MGAT4C: variants seen among roughly 807,000 people sequenced by gnomAD.
MGAT4C encodes MGAT4 family member C, also known as alpha-1,3-mannosyl-glycoprotein 4-beta-N-acetylglucosaminyltransferase C.
A neutral mutation model predicts 40.1 loss-of-function variants in MGAT4C; 19 were observed. The observed-to-expected ratio is 0.47, with a 90% CI of 0.33 to 0.70. The LOEUF (loss-of-function observed/expected upper bound fraction) is 0.70. Ranked by LOEUF, MGAT4C falls within the 30% of genes least tolerant of loss-of-function variation. The probability of loss-of-function intolerance (pLI) is 0.02; values close to 1 mark genes in which losing one functional copy is unlikely to be tolerated. For missense variants in MGAT4C, 491 were observed against 563.2 expected (o/e 0.87, Z 1.30); for synonymous variants, 181 against 187.1 (o/e 0.97, Z 0.27).
intron 2 of MGAT4C, among the ~76,000 whole-genome samples, chr12:86,571,931 C>T (rs560726647): frequency 6.6e-6 from 1 of 152,250 alleles, no homozygotes; most frequent in African/African-American, 2.4e-5. Context: ...AAATAACTCA[C>T]TTCATGTTTT....
In MGAT4C at chr12:86,051,286, A is replaced by C. The variant is rs1041176399; in HGVS notation, c.-56-1563T>G. Among the ~76,000 whole-genome samples, 7 of 151,996 alleles carry C rather than the reference A, an allele frequency of 4.6e-5. 1 individual carries two copies. The highest frequency in any genetic ancestry group is 4.6e-4 in the Admixed American group (7 of 15,206). On this transcript the variant is annotated intron_variant, in intron 1 of 4. Coordinates refer to ENST00000611864, the MANE Select transcript of MGAT4C (RefSeq NM_001351288.2). The stretch of plus-strand genomic sequence containing the variant: ...TTAAATATAATTCAGGATACATTTT[A>C]ACAGGATCTGATTTTTTACAACTAG...
intron 2 of MGAT4C, among the ~76,000 whole-genome samples, chr12:86,572,943 CCAAT>C (rs1960425431): frequency 2.6e-5 from 4 of 152,110 alleles, no homozygotes; most frequent in African/African-American, 9.6e-5. Context: ...CTTAATTTAA[CCAAT>C]CAAAGCATGA....
At chr12:86,562,554 T>G (rs1336202484) in intron 2 of MGAT4C, among the ~76,000 whole-genome samples, 1 of 152,092 alleles carries the variant, frequency 6.6e-6, no homozygotes, top group Admixed American at 6.6e-5. Context: ...CCCTGATTTG[T>G]CTGGGGCAAA....
chr12:86,469,614 G>GT (rs199820427), intron 2 of MGAT4C, among the ~76,000 whole-genome samples: 69 of 151,370 alleles, frequency 4.6e-4, no homozygotes, highest in East Asian at 2.3e-3. Context: ...AGTAATTGCG[G>GT]TTTTTTTTTC....
chr12:86,752,178 T>G (rs1351865451), intron 1 of MGAT4C, among the ~76,000 whole-genome samples: 1 of 152,034 alleles, frequency 6.6e-6, no homozygotes, highest in Non-Finnish European at 1.5e-5. Context: ...TTCTGGCCTG[T>G]TGGACTTATA....
chr12:86,766,546 C>A (rs1386476616), intron 1 of MGAT4C, among the ~76,000 whole-genome samples: 1 of 151,792 alleles, frequency 6.6e-6, no homozygotes, highest in Non-Finnish European at 1.5e-5. Flanking sequence ...ACTCTCCACC[C>A]CAAATAAACA....
intron 4 of MGAT4C, among the ~76,000 whole-genome samples, chr12:86,297,127 A>G (rs1467005950): frequency 6.6e-6 from 1 of 152,240 alleles, no homozygotes; most frequent in African/African-American, 2.4e-5. Context: ...AATGAAGGAA[A>G]TAGAAAAGAT....
intron 1 of MGAT4C, among the ~76,000 whole-genome samples, chr12:86,245,891 G>C (rs1329093110): frequency 6.6e-6 from 1 of 151,918 alleles, no homozygotes. Flanking sequence ...AATCATCATA[G>C]AGCTACCAGA....
At chr12:86,494,127 C>T (rs1002954181) in intron 2 of MGAT4C, among the ~76,000 whole-genome samples, 1 of 152,008 alleles carries the variant, frequency 6.6e-6, no homozygotes, top group African/African-American at 2.4e-5. Context: ...CCTTTATGGT[C>T]ATTCACATCC....
intron 1 of MGAT4C, among the ~76,000 whole-genome samples, chr12:86,206,207 A>G (rs1415457511): frequency 1.3e-5 from 2 of 152,180 alleles, no homozygotes; most frequent in Admixed American, 6.5e-5. Context: ...TTATAATTAC[A>G]ACAATTTTTA....
intron 1 of MGAT4C, among the ~76,000 whole-genome samples, chr12:86,120,296 A>G (rs1381461333): frequency 6.6e-6 from 1 of 152,100 alleles, no homozygotes; most frequent in East Asian, 1.9e-4. Flanking sequence ...CTGCCTCTGT[A>G]GACTCCACCT....
rs562182513 is a variant in MGAT4C, at chr12:86,026,113, C to A, written c.-7+23561G>T. On this transcript the variant is annotated intron_variant, in intron 2 of 4. Transcript: ENST00000611864. Reference sequence around the variant, plus strand: ...GAAATTTTTAAAAATACTGTGGTAACAAAGTAAGTGTCCAAGTCCTATTCA... The same window carrying A: ...GAAATTTTTAAAAATACTGTGGTAAAAAAGTAAGTGTCCAAGTCCTATTCA... 1.4e-4 allele frequency among the ~76,000 whole-genome samples: 21 copies of A among 151,780 alleles called. No homozygotes were observed. In the East Asian group the frequency reaches 3.7e-3, roughly 27 times the overall value.
chr12:86,318,080 C>G (rs1055247004), intron 4 of MGAT4C, among the ~76,000 whole-genome samples: 1 of 151,802 alleles, frequency 6.6e-6, no homozygotes, highest in Non-Finnish European at 1.5e-5. Context: ...GAAAACCTCT[C>G]AGAGAAATCA....
intron 2 of MGAT4C, among the ~76,000 whole-genome samples, chr12:86,719,407 C>T (rs1215864137): frequency 6.6e-6 from 1 of 152,116 alleles, no homozygotes; most frequent in African/African-American, 2.4e-5. Context: ...TATCTGCCCA[C>T]CATATAGCTA....
chr12:86,794,934 T>A (rs1593214281), intron 1 of MGAT4C, among the ~76,000 whole-genome samples: 1 of 151,888 alleles, frequency 6.6e-6, no homozygotes, highest in East Asian at 1.9e-4. Flanking sequence ...ATGGAACCAC[T>A]GCACCCCATT....
At chr12:86,231,596 C>T (rs1416097427) in intron 1 of MGAT4C, among the ~76,000 whole-genome samples, 1 of 152,034 alleles carries the variant, frequency 6.6e-6, no homozygotes, top group East Asian at 1.9e-4. Context: ...ACCTCAGAAC[C>T]TATGTATTTG....
chr12:86,363,539 T>G (rs1198797469), intron 3 of MGAT4C, among the ~76,000 whole-genome samples: 1 of 151,812 alleles, frequency 6.6e-6, no homozygotes, highest in African/African-American at 2.4e-5. Flanking sequence ...AACTTAAGCT[T>G]TCACATTAAT....
At chr12:86,618,181 A>C (rs1962517846) in intron 2 of MGAT4C, among the ~76,000 whole-genome samples, 1 of 149,920 alleles carries the variant, frequency 6.7e-6, no homozygotes, top group Admixed American at 6.6e-5. Context: ...AAAAATAACT[A>C]ATGGTGGCAA....
chr12:86,002,942 AG>A (rs1887492541), intron 2 of MGAT4C, among the ~76,000 whole-genome samples: 1 of 152,004 alleles, frequency 6.6e-6, no homozygotes, highest in Non-Finnish European at 1.5e-5. Context: ...CTGGGACTAC[AG>A]GCGTCCGCAA....
Sources: gnomAD v4.1 joint callset for allele counts (sites outside exome capture counted in the v4.1 genomes callset) on GRCh38, gnomAD v4.1.1 for gene constraint, MANE v1.5 for transcripts, NCBI Gene and HGNC (gene_info 2026-07-23, HGNC 2026-07-21) for gene names.